Variants in DOT1L observed in about 807,000 individuals in gnomAD.
DOT1L encodes the protein histone-lysine N-methyltransferase, H3 lysine-79 specific.
A neutral mutation model predicts 153.3 loss-of-function variants in DOT1L; 33 were observed. The observed-to-expected ratio is 0.22, with a 90% confidence interval of 0.16 to 0.29. DOT1L has a LOEUF of 0.29. Ranked by LOEUF, DOT1L falls within the 10% of genes least tolerant of loss-of-function variation. DOT1L has a pLI of 1.00. For synonymous variants in DOT1L, 1,135 were observed against 965.1 expected (o/e 1.18, Z -3.26); for missense variants, 1,847 against 2,119.9 (o/e 0.87, Z 2.53).
chr19:2,215,966 T>TCGCCGTATCA, intron 19 of DOT1L: 1 of 301,138 alleles, frequency 3.3e-6, no homozygotes, highest in Non-Finnish European at 6.1e-6. Flanking sequence ...CTCCACAGGT[T>TCGCCGTATCA]TTACACTTAG....
rs73514500 is a variant in DOT1L, at chr19:2,202,791, T to A, written c.787+12T>A. Reference sequence around the variant, plus strand: ...AAACATGAAGGAAGGTAAGGCGCCCTCCTCGCCGGTCTGTGCTGGTGTGAC... The same window carrying A: ...AAACATGAAGGAAGGTAAGGCGCCCACCTCGCCGGTCTGTGCTGGTGTGAC... On this transcript the variant is annotated intron_variant, in intron 9 of 27. Coordinates refer to ENST00000398665, the MANE Select transcript of DOT1L (RefSeq NM_032482.3). The A allele has an allele frequency of 1.1e-3, 1,835 of 1,614,092 alleles. 13 individuals carry two copies. The African/African-American group carries it at 0.02, about 18-fold the overall frequency.
At chr19:2,174,958 A>ATGTG (rs71337121) in intron 1 of DOT1L, among the ~76,000 whole-genome samples, 30,718 of 129,678 alleles carry the variant, frequency 0.24, 3,981 homozygotes, top group Non-Finnish European at 0.3. Context: ...TTTTAAATAT[A>ATGTG]TGTGTGTGTG....
At chr19:2,202,356 C>T (rs184079523) in intron 8 of DOT1L, among the ~76,000 whole-genome samples, 102 of 152,370 alleles carry the variant, frequency 6.7e-4, no homozygotes, top group Non-Finnish European at 1.1e-3. Context: ...TTTTTGGCCA[C>T]CCACCTTCTT....
intron 3 of DOT1L, among the ~76,000 whole-genome samples, chr19:2,187,774 T>C (rs1198968101): frequency 6.6e-6 from 1 of 151,898 alleles, no homozygotes; most frequent in East Asian, 1.9e-4. Context: ...TACAAAAAAT[T>C]AGCCGGGCGT....
intron 1 of DOT1L, among the ~76,000 whole-genome samples, chr19:2,170,873 C>T (rs529941695): frequency 5.3e-5 from 8 of 152,148 alleles, no homozygotes; most frequent in Non-Finnish European, 4.4e-5. Context: ...TCTCCCGGAA[C>T]GTGTGTCTCC....
At chr19:2,175,299 C>T (rs956805985) in intron 1 of DOT1L, among the ~76,000 whole-genome samples, 1 of 151,802 alleles carries the variant, frequency 6.6e-6, no homozygotes, top group African/African-American at 2.4e-5. Context: ...TGGCGCCTGG[C>T]CGATATTTTG....
chr19:2,226,779 C>T lies in DOT1L; in HGVS notation c.4258C>T (p.Leu1420Phe). ...AAKARDREVD[L>F]KNGHNLFISA... ...CAAGGCCCGGGACCGCGAGGTCGAC[C>T]TCAAGAATGGCCACAACCTCTTCAT... Residue 1420 changes from leucine (L) to phenylalanine (F), a missense_variant, in exon 27 of 28, where the codon CTC becomes TTC. Coordinates refer to ENST00000398665, the MANE Select transcript of DOT1L (RefSeq NM_032482.3). The T allele has an allele frequency of 6.3e-7, 1 of 1,575,168 alleles. No individual in the cohort carries two copies. Among genetic ancestry groups the T allele is most frequent in the East Asian group, 2.3e-5 (1 of 43,948 alleles).
rs566578731 is a variant in DOT1L at position 2,213,956 on chromosome 19, C to A, written c.1767C>A (p.Asn589Lys). 1 of 1,612,836 alleles carries A rather than the reference C, an allele frequency of 6.2e-7. No individual in the cohort carries two copies. The highest frequency in any genetic ancestry group is 1.7e-5 in the Admixed American group (1 of 60,022). The change falls in exon 18 of 28, where the codon AAC (asparagine) becomes AAA (lysine). Residue 589 changes from asparagine to lysine, a missense_variant. By Grantham distance (94) the Asn-to-Lys change is moderately conservative (BLOSUM62 0). Around this residue, in one of 8 missense-constraint regions of DOT1L, gnomAD observed 156 missense variants for 235.7 expected, o/e 0.66. Transcript: ENST00000398665. ...AGTCGGAGCAGCTGGAGCAGGACAA[C>A]CGCGCGCTCCGCGGCCAGAGCTTGC... is the stretch of plus-strand genomic sequence containing the variant. ...REQSEQLEQD[N>K]RALRGQSLQL... is the part of the protein sequence containing the mutation.
In DOT1L at chr19:2,190,807, C is replaced by T. The variant is rs2022760111; in HGVS notation, c.265-205C>T. On this transcript the variant is annotated intron_variant, in intron 4 of 27. Coordinates refer to ENST00000398665, the MANE Select transcript of DOT1L (RefSeq NM_032482.3). This position sits in a 1 kb window ranked among gnomAD's most constrained non-coding sequence, Gnocchi z 4.8. ...TCCTAGGACCCCTCTGAGTTGGGGC[C>T]TGTCCCTGGGGATGCTGCTTTACTG... 6.6e-6 allele frequency among the ~76,000 whole-genome samples: 1 copy of T among 151,942 alleles called. No homozygotes were observed. The highest frequency in any genetic ancestry group is 6.5e-5 in the Admixed American group (1 of 15,268).
intron 27 of DOT1L, chr19:2,228,566 A>C: frequency 4.1e-6 from 4 of 985,310 alleles, no homozygotes; most frequent in Non-Finnish European, 4.8e-6. Context: ...CCAGCCATGG[A>C]GTGGCCTGAG....
At chr19:2,180,597 C>CACCA in intron 1 of DOT1L, 116 bp from the exon 2 acceptor site, 1 of 1,289,802 alleles carries the variant, frequency 7.8e-7, no homozygotes, top group Non-Finnish European at 1.1e-6. Flanking sequence ...TTGGGAGCTG[C>CACCA]ACCAGTTGGG....
intron 25 of DOT1L, among the ~76,000 whole-genome samples, chr19:2,224,985 G>A (rs2024269521): frequency 1.3e-5 from 2 of 152,216 alleles, no homozygotes; most frequent in African/African-American, 4.8e-5. Context: ...TCACGTGCTG[G>A]CCTGCAATGC....
rs1222557245 is a variant in DOT1L, at chr19:2,230,030, CTTATT to C, written c.*244_*248del. ...TTTTAAAAAGTATAAACAATTCTGA[CTTATT>C]TTATTCCATCTAAGTGGTAAAAGGC... On this transcript the variant is annotated 3_prime_UTR_variant, in exon 28 of 28. Coordinates refer to ENST00000398665, the MANE Select transcript of DOT1L (RefSeq NM_032482.3). 5.6e-5 allele frequency: 37 copies of C among 663,332 alleles called. No homozygotes were observed. The highest frequency in any genetic ancestry group is 2.8e-4 in the Admixed American group (9 of 32,106). 41.1% of individuals were successfully genotyped at this position (663,332 alleles called of 1,614,324 possible). A position where few individuals can be genotyped will look rare whatever the true frequency, so the allele number is the denominator to read the frequency against.
At position 2,226,850 on chromosome 19, in the gene DOT1L, C is replaced by G; in HGVS notation, c.4329C>G (p.Gly1443=). ...VPPGSLLSGP[G]LAPAASSAGG... Reference sequence around the variant, plus strand: ...CCGGAAGCCTCCTCAGCGGCCCCGGCCTGGCCCCGGCGGCGTCCTCCGCAG... The same window carrying G: ...CCGGAAGCCTCCTCAGCGGCCCCGGGCTGGCCCCGGCGGCGTCCTCCGCAG... Residue 1443 remains glycine, a synonymous_variant, in exon 27 of 28, where the codon GGC becomes GGG. Coordinates refer to ENST00000398665, the MANE Select transcript of DOT1L (RefSeq NM_032482.3). The G allele has an allele frequency of 6.3e-7, 1 of 1,579,944 alleles. No homozygotes were observed. Among genetic ancestry groups the G allele is most frequent in the Non-Finnish European group, 8.5e-7 (1 of 1,171,432 alleles).
chr19:2,219,205 G>A (rs1459734912), intron 22 of DOT1L, among the ~76,000 whole-genome samples: 1 of 152,058 alleles, frequency 6.6e-6, no homozygotes, highest in African/African-American at 2.4e-5. Flanking sequence ...TGGAGGTTTT[G>A]CCCTGTTGGC....
rs766099744 is a variant in DOT1L, at chr19:2,226,196, G to A, written c.3675G>A (p.Ala1225=). ...CCTCTTTGCCAGGTGGTGGCTTGGCGGGAAGGAAGCCCGCGCCCGCCGGCG... is the reference window on the plus strand; with the variant it reads ...CCTCTTTGCCAGGTGGTGGCTTGGCAGGAAGGAAGCCCGCGCCCGCCGGCG... The part of the protein sequence containing the change: ...PKTLENGGGL[A]GRKPAPAGEP... The change falls in exon 27 of 28, where the codon GCG becomes GCA. Residue 1225 remains alanine (A), a synonymous_variant. Transcript: ENST00000398665. 121 of 1,517,650 alleles carry A rather than the reference G, an allele frequency of 8.0e-5. 1 individual carries two copies. The highest frequency in any genetic ancestry group is 1.0e-4 in the Non-Finnish European group (116 of 1,131,154). 94.0% of individuals were successfully genotyped at this position (1,517,650 alleles called of 1,614,324 possible).
At chr19:2,170,788 T>C (rs745432234) in intron 1 of DOT1L, among the ~76,000 whole-genome samples, 14 of 151,990 alleles carry the variant, frequency 9.2e-5, no homozygotes, top group Non-Finnish European at 1.8e-4. Flanking sequence ...AAGGACGATC[T>C]GTGGGATGCC....
intron 25 of DOT1L, 26 bp downstream of exon 25, chr19:2,223,512 C>T (rs761964740): frequency 4.1e-5 from 48 of 1,184,744 alleles, no homozygotes; most frequent in African/African-American, 2.9e-4. Flanking sequence ...CGGAGGGGGG[C>T]GGGGCCTGGC....
At chr19:2,225,886 C>A (rs1227402683) in intron 26 of DOT1L, among the ~76,000 whole-genome samples, 1 of 152,242 alleles carries the variant, frequency 6.6e-6, no homozygotes, top group Non-Finnish European at 1.5e-5. Context: ...GCTCATCCCG[C>A]ATGGCCTCTG....
Sources: gnomAD v4.1 joint callset for allele counts (sites outside exome capture counted in the v4.1 genomes callset) on GRCh38, gnomAD v4.1.1 for gene constraint, gnomAD v4.1.1 regional missense constraint, Gnocchi (gnomAD v3.1) non-coding constraint, MANE v1.5 for transcripts, NCBI Gene and HGNC (gene_info 2026-07-23, HGNC 2026-07-21) for gene names.